Variants in ZIK1 observed in about 807,000 individuals in gnomAD.
ZIK1 encodes zinc finger protein interacting with K protein 1.
In ZIK1, 12 loss-of-function variants were observed where a neutral mutation model predicts 10.7. The observed-to-expected ratio is 1.12, with a 90% CI of 0.72 to 1.81. The LOEUF is 1.81. Among genes scored for constraint, ZIK1 ranks in the 40% most tolerant of loss-of-function variants. ZIK1 has a pLI of 0.00. For synonymous variants in ZIK1, 190 were observed against 205.0 expected (o/e 0.93, Z 0.63); for missense variants, 497 against 585.7 (o/e 0.85, Z 1.56).
Position 57,590,951 on chromosome 19 carries a change from G to T in ZIK1, c.1140G>T (p.Glu380Asp), listed in dbSNP as rs755991959. The stretch of plus-strand genomic sequence containing the variant: ...TTCACACTGGAGCAAAGCCTTATGA[G>T]TGTGGCCAGTGTGGGAAATCCTTTA... ...RRIHTGAKPYECGQCGKSFSQ... is the reference protein window; with the variant it reads ...RRIHTGAKPYDCGQCGKSFSQ... Residue 380 changes from glutamate to aspartate, a missense_variant, in exon 4 of 4, where the codon GAG (glutamate) becomes GAT (aspartate). Physicochemically the swap from Glu to Asp is conservative, Grantham distance 45. Transcript: ENST00000597850. 1 of 1,614,042 alleles carries T rather than the reference G, an allele frequency of 6.2e-7. No individual in the cohort carries two copies. The highest frequency in any genetic ancestry group is 1.1e-5 in the South Asian group (1 of 91,070).
Position 57,590,554 on chromosome 19 carries a change from T to C in ZIK1, c.743T>C (p.Phe248Ser). The change falls in exon 4 of 4, where the codon TTC (phenylalanine) becomes TCC (serine). Residue 248 changes from phenylalanine to serine, a missense_variant. By Grantham distance (155) the Phe-to-Ser change is radical. Transcript: ENST00000597850. ...LYECSKCGKA[F>S]RGKYSLVQHQ... Reference sequence around the variant, plus strand: ...GAGTGTAGCAAATGTGGGAAAGCCTTCCGTGGCAAGTACTCACTTGTTCAG... The same window carrying C: ...GAGTGTAGCAAATGTGGGAAAGCCTCCCGTGGCAAGTACTCACTTGTTCAG... 6.2e-7 allele frequency: 1 copy of C among 1,614,208 alleles called. No individual in the cohort carries two copies. The highest frequency in any genetic ancestry group is 8.5e-7 in the Non-Finnish European group (1 of 1,180,034).
chr19:57,584,333 G>T lies in ZIK1; in HGVS notation c.-24G>T. 1 of 1,581,490 alleles carries T rather than the reference G, an allele frequency of 6.3e-7. No individual in the cohort carries two copies. The highest frequency in any genetic ancestry group is 2.3e-5 in the East Asian group (1 of 43,100). On this transcript the variant is annotated 5_prime_UTR_variant, in exon 1 of 4. Coordinates refer to ENST00000597850, the MANE Select transcript of ZIK1 (RefSeq NM_001010879.4). ...CTCCGCCCGTAGCTGTCGGGTCCCG[G>T]CCCCGCTCTGCCCACAGACTCCGAT... is the stretch of plus-strand genomic sequence containing the variant.
At chr19:57,589,971 A>G (rs543547888) in intron 3 of ZIK1, 40 bp from the exon 4 acceptor site, 3 of 1,588,944 alleles carry the variant, frequency 1.9e-6, no homozygotes, top group East Asian at 2.2e-5. Flanking sequence ...TGCTCTCAGC[A>G]TAGTCAATGT....
intron 3 of ZIK1, chr19:57,589,281 G>A: frequency 1.0e-6 from 1 of 985,340 alleles, no homozygotes. Flanking sequence ...GCCTGGGCTT[G>A]TTGAGTGGCA....
chr19:57,591,959 G>A lies in ZIK1; in HGVS notation c.*684G>A, dbSNP rs1391436455. 6.6e-6 allele frequency: 1 copy of A among 152,140 alleles called. No homozygotes were observed. The highest frequency in any genetic ancestry group is 1.5e-5 in the Non-Finnish European group (1 of 68,050). 9.4% of individuals were successfully genotyped at this position (152,140 alleles called of 1,614,324 possible). A position where few individuals can be genotyped will look rare whatever the true frequency, so the allele number is the denominator to read the frequency against. On this transcript the variant is annotated 3_prime_UTR_variant, in exon 4 of 4. Coordinates refer to ENST00000597850, the MANE Select transcript of ZIK1 (RefSeq NM_001010879.4). ...AGATGACAGAGTAATTCTAATTCTG[G>A]TTTTGGTCATACTTGCTTTGCTACC...
intron 2 of ZIK1, among the ~76,000 whole-genome samples, chr19:57,586,335 G>A (rs574855882): frequency 2.2e-4 from 33 of 152,192 alleles, no homozygotes; most frequent in African/African-American, 7.0e-4. Flanking sequence ...GGCCGAGGCA[G>A]GCGGATCACT....
intron 2 of ZIK1, among the ~76,000 whole-genome samples, chr19:57,585,773 A>T (rs1345016934): frequency 6.6e-6 from 1 of 151,784 alleles, no homozygotes; most frequent in Non-Finnish European, 1.5e-5. Context: ...CAGTGGCTCG[A>T]TCTTGGCTCT....
chr19:57,585,040 G>GT (rs1979019210), intron 2 of ZIK1, 50 bp downstream of exon 2: 7 of 1,568,468 alleles, frequency 4.5e-6, no homozygotes, highest in South Asian at 1.2e-5. Context: ...CCATCCTGGG[G>GT]TTTTTTCATG....
At position 57,591,375 on chromosome 19, in the gene ZIK1, AG is replaced by A; in HGVS notation, c.*103del. 1.6e-6 allele frequency: 2 copies of A among 1,218,372 alleles called. No homozygotes were observed. Among genetic ancestry groups the A allele is most frequent in the South Asian group, 3.0e-5 (2 of 65,672 alleles). The allele number at this position is 1,218,372 out of a possible 1,614,324, so 75.5% of individuals were successfully genotyped here. On this transcript the variant is annotated 3_prime_UTR_variant, in exon 4 of 4. Transcript: ENST00000597850. Reference sequence around the variant, plus strand: ...CACTTAAGTAGAGCCTTAGACCTACAGGGAAAGTGCTGTCTCTGTAGTATTG... The same window carrying A: ...CACTTAAGTAGAGCCTTAGACCTACAGGAAAGTGCTGTCTCTGTAGTATTG...
chr19:57,587,326 T>C (rs146883531), intron 2 of ZIK1, among the ~76,000 whole-genome samples: 1 of 152,238 alleles, frequency 6.6e-6, no homozygotes, highest in East Asian at 1.9e-4. Flanking sequence ...AAATAATTGG[T>C]AGAAGATGAC....
chr19:57,589,882 C>T (rs766046089), intron 3 of ZIK1, 129 bp from the exon 4 acceptor site: 109 of 1,226,126 alleles, frequency 8.9e-5, no homozygotes, highest in Non-Finnish European at 1.2e-4. Context: ...CAACCCCTTC[C>T]TCAACTTGCC....
intron 1 of ZIK1, chr19:57,584,732 A>C (rs1978974608): frequency 9.2e-6 from 10 of 1,089,612 alleles, no homozygotes; most frequent in Non-Finnish European, 1.2e-5. Flanking sequence ...GAGTTAGACT[A>C]GAATAGAATG....
In ZIK1 at chr19:57,590,990, C is replaced by T; in HGVS notation, c.1179C>T (p.Thr393=). 1 of 1,611,746 alleles carries T rather than the reference C, an allele frequency of 6.2e-7. No homozygotes were observed. Among genetic ancestry groups the T allele is most frequent in the South Asian group, 1.1e-5 (1 of 90,962 alleles). The stretch of plus-strand genomic sequence containing the variant: ...GGAAATCCTTTAGTCAAAAAGCTAC[C>T]CTCATTAAACACCAGAGAGTTCACA... ...QCGKSFSQKA[T]LIKHQRVHTG... The change falls in exon 4 of 4, where the codon ACC becomes ACT. Residue 393 remains threonine (T), a synonymous_variant. Transcript: ENST00000597850.
At chr19:57,588,468 G>A in intron 2 of ZIK1, 71 bp from the exon 3 acceptor site, 1 of 1,357,380 alleles carries the variant, frequency 7.4e-7, no homozygotes, top group Non-Finnish European at 9.6e-7. Context: ...TCCTTAAGGT[G>A]GGGATGATTG....
chr19:57,584,774 C>A (rs1004210215), intron 1 of ZIK1, among the ~76,000 whole-genome samples, 178 bp from the exon 2 acceptor site: 2 of 152,190 alleles, frequency 1.3e-5, no homozygotes, highest in African/African-American at 4.8e-5. Flanking sequence ...AGGTTGAGTT[C>A]TTGTGCAAGG....
At chr19:57,588,844 C>A (rs953907410) in intron 3 of ZIK1, among the ~76,000 whole-genome samples, 179 bp downstream of exon 3, 1 of 151,442 alleles carries the variant, frequency 6.6e-6, no homozygotes, top group East Asian at 2.0e-4. Context: ...ACACCTGCCA[C>A]TGGGCAGCAG....
In ZIK1 at chr19:57,590,392, C is replaced by G. The variant is rs1469053292; in HGVS notation, c.581C>G (p.Pro194Arg). Reference protein sequence around the residue: ...RSLVFPGGKKPGTITECGEDI... With the variant: ...RSLVFPGGKKRGTITECGEDI... Reference sequence around the variant, plus strand: ...CTGGTCTTTCCTGGAGGCAAGAAACCCGGCACAATTACTGAATGTGGGGAG... The same window carrying G: ...CTGGTCTTTCCTGGAGGCAAGAAACGCGGCACAATTACTGAATGTGGGGAG... The change falls in exon 4 of 4, where the codon CCC becomes CGC. Residue 194 changes from proline (P) to arginine (R), a missense_variant. Pro to Arg is a moderately radical substitution (Grantham distance 103, BLOSUM62 -2). Coordinates refer to ENST00000597850, the MANE Select transcript of ZIK1 (RefSeq NM_001010879.4). The G allele has an allele frequency of 1.2e-6, 2 of 1,614,024 alleles. No individual in the cohort carries two copies. Among genetic ancestry groups the G allele is most frequent in the East Asian group, 2.2e-5 (1 of 44,888 alleles).
rs1365559770 is a variant in ZIK1, at chr19:57,591,024, A to G, written c.1213A>G (p.Arg405Gly). The G allele has an allele frequency of 3.1e-6, 5 of 1,614,040 alleles. No homozygotes were observed. Among genetic ancestry groups the G allele is most frequent in the Admixed American group, 1.7e-5 (1 of 59,988 alleles). The change falls in exon 4 of 4, where the codon AGG becomes GGG. Residue 405 changes from arginine to glycine, a missense_variant. Transcript: ENST00000597850. ...IKHQRVHTGE[R>G]PYKCGDCGKS... Reference sequence around the variant, plus strand: ...ACACCAGAGAGTTCACACTGGAGAAAGGCCTTATAAGTGTGGTGACTGTGG... The same window carrying G: ...ACACCAGAGAGTTCACACTGGAGAAGGGCCTTATAAGTGTGGTGACTGTGG...
chr19:57,584,535 G>T, intron 1 of ZIK1, 146 bp downstream of exon 1: 1 of 1,424,662 alleles, frequency 7.0e-7, no homozygotes, highest in South Asian at 1.5e-5. Context: ...GGGCACGGAA[G>T]AGGGTTACAG....
Sources: allele counts gnomAD v4.1 joint callset (sites outside exome capture counted in the v4.1 genomes callset), GRCh38; gene constraint gnomAD v4.1.1; transcripts MANE v1.5; gene names NCBI Gene and HGNC (gene_info 2026-07-23, HGNC 2026-07-21).